The following CASD1 variants were observed in gnomAD, a reference collection of about 807,000 sequenced individuals.
CASD1 encodes the protein CAS1 domain sialic acid O acetyltransferase 1.
Under a neutral mutation model 100.0 loss-of-function variants are expected in CASD1, and 41 were observed. That is an observed-to-expected ratio of 0.41 (90% CI 0.32 to 0.53). The LOEUF is 0.53. Among genes scored for constraint, CASD1 ranks in the 20% least tolerant of loss-of-function variants. The pLI, the probability that CASD1 is intolerant of heterozygous loss-of-function variation, is 0.25. For missense variants in CASD1, 774 were observed against 948.7 expected (o/e 0.82, Z 2.42); for synonymous variants, 321 against 315.6 (o/e 1.02, Z -0.18).
In CASD1 at chr7:94,549,977, A is replaced by G. The variant is rs1795867624; in HGVS notation, c.1815+343A>G. Among the ~76,000 whole-genome samples the G allele has an allele frequency of 2.6e-5, 4 of 152,238 alleles. No homozygotes were observed. In the South Asian group the frequency reaches 8.3e-4, roughly 32 times the overall value. ...GTTTCAATATGTGCCCTAGATGTTG[A>G]TGCCATGAAGTATACATTAGAGAAA... On this transcript the variant is annotated intron_variant, in intron 14 of 17. Transcript: ENST00000297273.
the CASD1 span, chr7:94,621,861 G>C: frequency 6.6e-6 from 1 of 152,132 alleles, no homozygotes; most frequent in Non-Finnish European, 1.5e-5. Context: ...AAAGCCTTTG[G>C]GGAGTGGCAG....
intron 1 of CASD1, among the ~76,000 whole-genome samples, chr7:94,513,283 A>T (rs1793808945): frequency 7.3e-6 from 1 of 137,244 alleles, no homozygotes; most frequent in African/African-American, 3.2e-5. Context: ...CCAAGATCGC[A>T]TCCCAAAAAA....
chr7:94,605,946 A>G, the CASD1 span, among the ~76,000 whole-genome samples: 6 of 152,014 alleles, frequency 3.9e-5, no homozygotes, highest in African/African-American at 1.4e-4. Flanking sequence ...CTCCTGCCTC[A>G]GCCTCCCAAG....
the CASD1 span, among the ~76,000 whole-genome samples, chr7:94,602,136 T>C: frequency 1.3e-5 from 2 of 152,160 alleles, no homozygotes; most frequent in African/African-American, 4.8e-5. Context: ...TTAGGGTCTG[T>C]TGGCCACTGA....
At chr7:94,602,826 G>C in the CASD1 span, among the ~76,000 whole-genome samples, 2 of 152,236 alleles carry the variant, frequency 1.3e-5, no homozygotes, top group African/African-American at 4.8e-5. Context: ...ACTTGGAATT[G>C]TCTCTTGTTT....
intron 1 of CASD1, among the ~76,000 whole-genome samples, chr7:94,512,182 C>A (rs1371895586): frequency 6.6e-6 from 1 of 152,124 alleles, no homozygotes; most frequent in Non-Finnish European, 1.5e-5. Flanking sequence ...TTTTGGCTTC[C>A]GTGGGCCCCA....
the CASD1 span, among the ~76,000 whole-genome samples, chr7:94,633,276 G>T: frequency 6.6e-6 from 1 of 151,854 alleles, no homozygotes; most frequent in Non-Finnish European, 1.5e-5. Context: ...AGTCCAACCC[G>T]CAAGAGGTCA....
At chr7:94,609,983 T>C in the CASD1 span, among the ~76,000 whole-genome samples, 2 of 152,150 alleles carry the variant, frequency 1.3e-5, no homozygotes, top group Admixed American at 1.3e-4. Context: ...TGAATGATAA[T>C]TAAACCGTGG....
the CASD1 span, among the ~76,000 whole-genome samples, chr7:94,611,522 G>C: frequency 1.3e-5 from 2 of 152,180 alleles, no homozygotes; most frequent in Admixed American, 6.5e-5. Context: ...TGGGTACAAG[G>C]GTGGGTGTGT....
At chr7:94,608,963 C>T in the CASD1 span, among the ~76,000 whole-genome samples, 1 of 152,070 alleles carries the variant, frequency 6.6e-6, no homozygotes, top group Non-Finnish European at 1.5e-5. Flanking sequence ...TATGAAACTT[C>T]TAGAAGATAA....
the CASD1 span, chr7:94,629,170 G>A: frequency 6.6e-6 from 1 of 152,104 alleles, no homozygotes; most frequent in East Asian, 1.9e-4. Context: ...TCATTAACTT[G>A]ATGGCATTTA....
chr7:94,538,480 G>T (rs548183476), intron 9 of CASD1, among the ~76,000 whole-genome samples: 6 of 152,118 alleles, frequency 3.9e-5, no homozygotes, highest in Non-Finnish European at 8.8e-5. Flanking sequence ...TACCTCTCCT[G>T]TGAGGATTAT....
At chr7:94,526,989 T>G (rs976919508) in intron 3 of CASD1, among the ~76,000 whole-genome samples, 173 bp from the exon 4 acceptor site, 3 of 152,218 alleles carry the variant, frequency 2.0e-5, no homozygotes, top group Admixed American at 2.0e-4. Flanking sequence ...CACTTTGTTG[T>G]GTTCTATGTC....
chr7:94,557,551 ATTC>A (rs2116449513), downstream of CASD1, among the ~76,000 whole-genome samples: 1 of 152,134 alleles, frequency 6.6e-6, no homozygotes, highest in South Asian at 2.1e-4. Context: ...CCTGAAAAAG[ATTC>A]TTCTTGATGA....
At chr7:94,607,188 C>T in the CASD1 span, among the ~76,000 whole-genome samples, 1 of 152,082 alleles carries the variant, frequency 6.6e-6, no homozygotes, top group Admixed American at 6.6e-5. Context: ...GCATCAGGTC[C>T]AGATGGGTTC....
At chr7:94,589,324 G>T in the CASD1 span, 12,556 of 156,850 alleles carry the variant, frequency 0.08, 1,737 homozygotes, top group African/African-American at 0.29. Context: ...ATTTCTTTTT[G>T]TCTCATTTGG....
rs1795629789 is a variant in CASD1 at position 94,545,482 on chromosome 7, C to A, written c.1477-63C>A. On this transcript the variant is annotated intron_variant, in intron 11 of 17. Transcript: ENST00000297273. ...TCAGAGAAAATCTGCCTTTGCTGTT[C>A]GTGTGTACCTAGAATGAAAACAATT... 21 of 1,292,604 alleles carry A rather than the reference C, an allele frequency of 1.6e-5. No homozygotes were observed. In the South Asian group the frequency reaches 2.8e-4, roughly 17 times the overall value. The allele number at this position is 1,292,604 out of a possible 1,614,324, so 80.1% of individuals were successfully genotyped here.
the CASD1 span, chr7:94,585,313 C>A: frequency 2.0e-6 from 1 of 512,442 alleles, no homozygotes; most frequent in African/African-American, 1.9e-5. Context: ...GTCAAAAATG[C>A]TTTAAGTACA....
the CASD1 span, chr7:94,625,453 T>TA: frequency 7.2e-5 from 11 of 152,058 alleles, no homozygotes; most frequent in Non-Finnish European, 1.3e-4. Flanking sequence ...AATGAACTCT[T>TA]ATGAAACCAT....
Sources: allele counts gnomAD v4.1 joint callset (sites outside exome capture counted in the v4.1 genomes callset), GRCh38; gene constraint gnomAD v4.1.1; transcripts MANE v1.5; gene names NCBI Gene and HGNC (gene_info 2026-07-23, HGNC 2026-07-21).